The following SPAG16 variants were observed in gnomAD, a reference collection of about 807,000 sequenced individuals.
SPAG16 encodes the protein sperm-associated antigen 16 protein.
A neutral mutation model predicts 80.4 loss-of-function variants in SPAG16; 86 were observed. That is an observed-to-expected ratio of 1.07 (90% confidence interval 0.90 to 1.28). The LOEUF (loss-of-function observed/expected upper bound fraction) is 1.28. Ranked by LOEUF, SPAG16 falls within the 50% of genes most tolerant of loss-of-function variation. The probability of loss-of-function intolerance (pLI) is 0.00; values close to 1 mark genes in which losing one functional copy is unlikely to be tolerated. For missense variants in SPAG16, 870 were observed against 765.3 expected (o/e 1.14, Z -1.61); for synonymous variants, 294 against 265.9 (o/e 1.11, Z -1.03).
At chr2:213,658,801 G>C (rs1350457369) in intron 10 of SPAG16, among the ~76,000 whole-genome samples, 2 of 152,288 alleles carry the variant, frequency 1.3e-5, no homozygotes, top group Admixed American at 1.3e-4. Context: ...CACTTTAGGA[G>C]GCCAAGGTGG....
intron 10 of SPAG16, among the ~76,000 whole-genome samples, chr2:213,713,160 C>A (rs531155663): frequency 1.3e-5 from 2 of 152,270 alleles, no homozygotes; most frequent in East Asian, 3.9e-4. Context: ...ATCACCTCCT[C>A]TGAGGTCCCT....
chr2:213,780,571 C>CTTTTTTTTTT (rs367744311), intron 10 of SPAG16, among the ~76,000 whole-genome samples: 11 of 124,592 alleles, frequency 8.8e-5, no homozygotes, highest in Non-Finnish European at 9.9e-5. Flanking sequence ...TCTTTTCTTT[C>CTTTTTTTTTT]TTTTTTTTTT....
chr2:213,396,504 G>T, intron 9 of SPAG16: 1 of 238,770 alleles, frequency 4.2e-6, no homozygotes. Context: ...TGTTGGCTTT[G>T]AGGCCTCCTT....
intron 12 of SPAG16, among the ~76,000 whole-genome samples, chr2:213,949,179 T>TTTTTTTTTTTTTTTTTTTTTTG (rs1553677674): frequency 2.8e-5 from 1 of 36,262 alleles, no homozygotes; most frequent in Non-Finnish European, 5.5e-5. Flanking sequence ...GTTTTTTTTT[T>TTTTTTTTTTTTTTTTTTTTTTG]TTTTTTTTTT....
chr2:213,548,186 C>T (rs1489319537), intron 10 of SPAG16, among the ~76,000 whole-genome samples: 1 of 152,078 alleles, frequency 6.6e-6, no homozygotes, highest in East Asian at 1.9e-4. Flanking sequence ...TTATATTACC[C>T]CCACCAAAAA....
chr2:214,222,942 T>C (rs1450848150), intron 15 of SPAG16, among the ~76,000 whole-genome samples: 1 of 152,224 alleles, frequency 6.6e-6, no homozygotes, highest in Non-Finnish European at 1.5e-5. Context: ...TTGAACCAAA[T>C]GAATATTCAG....
At chr2:213,455,794 C>T (rs1575632205) in intron 9 of SPAG16, among the ~76,000 whole-genome samples, 2 of 152,316 alleles carry the variant, frequency 1.3e-5, no homozygotes, top group Non-Finnish European at 2.9e-5. Flanking sequence ...TGGCTCACCT[C>T]CTGTTGTGTG....
chr2:213,629,914 C>T (rs761428563), intron 10 of SPAG16, among the ~76,000 whole-genome samples: 4 of 152,214 alleles, frequency 2.6e-5, no homozygotes, highest in African/African-American at 7.2e-5. Flanking sequence ...TTTCCAGGGA[C>T]CTCTGACCCT....
intron 15 of SPAG16, among the ~76,000 whole-genome samples, chr2:214,176,370 C>T (rs1350501086): frequency 6.6e-6 from 1 of 151,022 alleles, no homozygotes; most frequent in African/African-American, 2.4e-5. Context: ...CAGGATATAC[C>T]TGTAGAATAT....
chr2:213,694,597 T>C (rs1035184424), intron 10 of SPAG16, among the ~76,000 whole-genome samples: 4 of 152,206 alleles, frequency 2.6e-5, no homozygotes, highest in Non-Finnish European at 5.9e-5. Context: ...ATCATCATTT[T>C]GCTTCAGCTC....
At chr2:213,782,059 C>G (rs1038500022) in intron 10 of SPAG16, among the ~76,000 whole-genome samples, 1 of 152,102 alleles carries the variant, frequency 6.6e-6, no homozygotes, top group East Asian at 1.9e-4. Context: ...AATTATAGCA[C>G]CTCCATTTAC....
intron 10 of SPAG16, among the ~76,000 whole-genome samples, chr2:213,827,695 G>T (rs1409851909): frequency 6.6e-6 from 1 of 151,996 alleles, no homozygotes; most frequent in Non-Finnish European, 1.5e-5. Context: ...AGCATTTCTT[G>T]TAGGACAGGT....
intron 6 of SPAG16, among the ~76,000 whole-genome samples, chr2:213,343,067 C>T (rs748931876): frequency 6.6e-6 from 1 of 152,018 alleles, no homozygotes; most frequent in Non-Finnish European, 1.5e-5. Flanking sequence ...TAATGGTTCT[C>T]TTCAGTCTTT....
intron 11 of SPAG16, among the ~76,000 whole-genome samples, chr2:213,915,966 G>C (rs780272254): frequency 4.6e-5 from 7 of 152,058 alleles, no homozygotes; most frequent in Non-Finnish European, 1.0e-4. Context: ...TGATGGGGTT[G>C]TTTTGTTTTC....
chr2:214,356,493 T>C (rs1342884331), intron 15 of SPAG16, among the ~76,000 whole-genome samples: 1 of 152,006 alleles, frequency 6.6e-6, no homozygotes, highest in African/African-American at 2.4e-5. Flanking sequence ...CAACTATGTA[T>C]ACAGTACTTG....
intron 10 of SPAG16, among the ~76,000 whole-genome samples, chr2:213,529,055 G>A (rs1326943633): frequency 6.6e-6 from 1 of 152,004 alleles, no homozygotes; most frequent in Non-Finnish European, 1.5e-5. Context: ...AGATACTCAG[G>A]CTGATAATAT....
intron 15 of SPAG16, among the ~76,000 whole-genome samples, chr2:214,357,979 T>C (rs548510995): frequency 2.0e-5 from 3 of 152,088 alleles, no homozygotes; most frequent in African/African-American, 7.2e-5. Context: ...ACAATTTTCC[T>C]GGATTTTAAA....
In SPAG16 at chr2:214,177,570, AT is replaced by A. The variant is rs561895731; in HGVS notation, c.1720+28310del. ...CTCCCTCACTTTTTCTCCCAACTCT[AT>A]TTTTTAGGCGAAATAAATTCTTTTG... is the stretch of plus-strand genomic sequence containing the variant. On this transcript the variant is annotated intron_variant, in intron 15 of 15. Coordinates refer to ENST00000331683, the MANE Select transcript of SPAG16 (RefSeq NM_024532.5). Among the ~76,000 whole-genome samples the A allele has an allele frequency of 3.5e-3, 533 of 150,708 alleles. 3 individuals are homozygous for A. The highest frequency in any genetic ancestry group is 0.01 in the Middle Eastern group (3 of 294).
Position 213,643,346 on chromosome 2 carries a change from TTTTATA to T in SPAG16, c.1070+153258_1070+153263del, listed in dbSNP as rs2062677850. On this transcript the variant is annotated intron_variant, in intron 10 of 15. Coordinates refer to ENST00000331683, the MANE Select transcript of SPAG16 (RefSeq NM_024532.5). ...TGCTGCCAGATGTATTGGATCTTAA[TTTTATA>T]TATATATATATATATATATATATAT... Among the ~76,000 whole-genome samples, 10 of 72,670 alleles carry T rather than the reference TTTTATA, an allele frequency of 1.4e-4. 1 individual carries two copies. The highest frequency in any genetic ancestry group is 4.9e-4 in the East Asian group (1 of 2,026). The allele number at this position is 72,670 out of a possible 152,430, so 47.7% of individuals were successfully genotyped here.
Sources: allele counts gnomAD v4.1 joint callset (sites outside exome capture counted in the v4.1 genomes callset), GRCh38; gene constraint gnomAD v4.1.1; transcripts MANE v1.5; gene names NCBI Gene and HGNC (gene_info 2026-07-23, HGNC 2026-07-21).